Variants in BICRA observed in about 807,000 individuals in gnomAD.
BICRA encodes the protein BRD4-interacting chromatin-remodeling complex-associated protein.
In BICRA, 31 loss-of-function variants were observed where a neutral mutation model predicts 96.9. The ratio of observed to expected loss-of-function variants is 0.32; its 90% CI spans 0.24 to 0.43. BICRA has a LOEUF of 0.43. BICRA is among the 20% of genes least tolerant of loss of function. The pLI is 1.00. For synonymous variants in BICRA, 1,350 were observed against 1,071.8 expected (o/e 1.26, Z -5.07); for missense variants, 2,283 against 2,190.3 (o/e 1.04, Z -0.84).
rs372252598 is a variant in BICRA at position 47,682,015 on chromosome 19, C to T, written c.2146C>T (p.Leu716Phe). 1.8e-5 allele frequency: 28 copies of T among 1,571,406 alleles called. No individual in the cohort carries two copies. The highest frequency in any genetic ancestry group is 2.4e-5 in the Non-Finnish European group (28 of 1,162,678). ...QQPLSAEGPH[L>F]SVPASVIVSA... ...GCCCCTCTCCGCAGAGGGCCCCCAC[C>T]TCTCCGTGCCTGCCTCGGTCATAGT... The change falls in exon 7 of 15, where the codon CTC becomes TTC. Residue 716 changes from leucine (L) to phenylalanine (F), a missense_variant. Physicochemically the swap from Leu to Phe is conservative, Grantham distance 22. Coordinates refer to ENST00000594866, the MANE Select transcript of BICRA (RefSeq NM_001394372.1).
chr19:47,680,321 C>T lies in BICRA; in HGVS notation c.1151C>T (p.Pro384Leu). ...AGATLTIQGE[P>L]GALPQQPKAP... is the part of the protein sequence containing the mutation. The stretch of plus-strand genomic sequence containing the variant: ...GCCACGCTCACCATCCAGGGCGAGC[C>T]GGGGGCGCTCCCGCAGCAGCCCAAG... Residue 384 changes from proline to leucine, a missense_variant, in exon 6 of 15, where the codon CCG becomes CTG. By Grantham distance (98) the Pro-to-Leu change is moderately conservative. Coordinates refer to ENST00000594866, the MANE Select transcript of BICRA (RefSeq NM_001394372.1). 5.8e-6 allele frequency: 9 copies of T among 1,540,730 alleles called. No individual in the cohort carries two copies. The highest frequency in any genetic ancestry group is 7.8e-6 in the Non-Finnish European group (9 of 1,150,676).
At chr19:47,668,786 C>A (rs184108462) in intron 1 of BICRA, among the ~76,000 whole-genome samples, 1 of 152,042 alleles carries the variant, frequency 6.6e-6, no homozygotes, top group East Asian at 1.9e-4. Context: ...CCACGGCGCC[C>A]GGCTGTCTTT....
At chr19:47,610,184 C>A (rs934451906) in intron 1 of BICRA, among the ~76,000 whole-genome samples, 1 of 152,100 alleles carries the variant, frequency 6.6e-6, no homozygotes, top group Admixed American at 6.5e-5. Context: ...CCGCGGGCAC[C>A]CGGAGGGAGG....
chr19:47,690,648 G>A (rs1193248547), intron 7 of BICRA, among the ~76,000 whole-genome samples: 1 of 152,070 alleles, frequency 6.6e-6, no homozygotes. Context: ...TGCACTGTCT[G>A]ATCATATCCT....
chr19:47,650,853 C>T (rs774555322), intron 1 of BICRA, among the ~76,000 whole-genome samples: 6 of 152,286 alleles, frequency 3.9e-5, no homozygotes, highest in Non-Finnish European at 5.9e-5. Context: ...CTTGTGTGCA[C>T]CACACATCCT....
intron 1 of BICRA, among the ~76,000 whole-genome samples, chr19:47,665,161 C>T (rs918092935): frequency 1.3e-5 from 2 of 150,338 alleles, no homozygotes; most frequent in African/African-American, 4.9e-5. Context: ...GGGATGGGGT[C>T]TGCCTCTGCC....
chr19:47,629,733 C>A (rs1259086921), intron 1 of BICRA, among the ~76,000 whole-genome samples: 2 of 152,136 alleles, frequency 1.3e-5, no homozygotes, highest in Admixed American at 1.3e-4. Flanking sequence ...TCTCGACTCA[C>A]TGCAACCCCT....
intron 1 of BICRA, among the ~76,000 whole-genome samples, chr19:47,609,593 G>C (rs1395432401): frequency 6.6e-6 from 1 of 151,604 alleles, no homozygotes; most frequent in Non-Finnish European, 1.5e-5. Context: ...CGTTCCACGG[G>C]GGGAGGGGCG....
At chr19:47,651,795 A>G (rs558994171) in intron 1 of BICRA, among the ~76,000 whole-genome samples, 1 of 152,318 alleles carries the variant, frequency 6.6e-6, no homozygotes, top group South Asian at 2.1e-4. Flanking sequence ...TGCTGGTTCC[A>G]AGACCTAGAG....
At position 47,681,974 on chromosome 19, in the gene BICRA, A is replaced by G; in HGVS notation, c.2107-2A>G. 6.4e-7 allele frequency: 1 copy of G among 1,556,272 alleles called. No individual in the cohort carries two copies. Among genetic ancestry groups the G allele is most frequent in the Non-Finnish European group, 8.7e-7 (1 of 1,155,786 alleles). On this transcript the variant is annotated splice_acceptor_variant, in intron 6 of 14. Transcript: ENST00000594866. LOFTEE classifies it high-confidence loss of function. ...TGATCCTGTGCGGGCTGCCCGTTGCAGGAGAGGAGCCAGCAGCCCCTCTCC... is the reference window on the plus strand; with the variant it reads ...TGATCCTGTGCGGGCTGCCCGTTGCGGGAGAGGAGCCAGCAGCCCCTCTCC...
At chr19:47,608,664 G>C (rs1258784499), upstream of BICRA, among the ~76,000 whole-genome samples, 1 of 151,664 alleles carries the variant, frequency 6.6e-6, no homozygotes, top group African/African-American at 2.4e-5. Context: ...CTGAACCCCC[G>C]GGACTGGGGC....
chr19:47,616,593 C>T (rs780930774), intron 1 of BICRA, among the ~76,000 whole-genome samples: 2 of 150,960 alleles, frequency 1.3e-5, no homozygotes, highest in Non-Finnish European at 2.9e-5. Context: ...GAGCTGAGAT[C>T]GCACGATTGC....
rs1449146018 is a variant in BICRA at position 47,680,412 on chromosome 19, C to T, written c.1242C>T (p.Phe414=). The change falls in exon 6 of 15, where the codon TTC becomes TTT. Residue 414 remains phenylalanine, a synonymous_variant. Coordinates refer to ENST00000594866, the MANE Select transcript of BICRA (RefSeq NM_001394372.1). ...KAGQNVVLSG[F]PAPALQANVF... ...GCCAGAACGTGGTGCTGTCGGGCTT[C>T]CCCGCGCCTGCGCTGCAAGCGAACG... is the stretch of plus-strand genomic sequence containing the variant. 6 of 1,535,536 alleles carry T rather than the reference C, an allele frequency of 3.9e-6. No individual in the cohort carries two copies. In the African/African-American group the frequency reaches 5.5e-5, roughly 14 times the overall value.
chr19:47,681,914 G>GGTGGGGAGGTCGAGGGCCT, intron 6 of BICRA, 62 bp from the exon 7 acceptor site: 1 of 1,151,608 alleles, frequency 8.7e-7, no homozygotes, highest in Middle Eastern at 2.4e-4. Context: ...AGGGGTCTCG[G>GGTGGGGAGGTCGAGGGCCT]GTGGGGAGGT....
chr19:47,678,362 T>G (rs1972971865), intron 5 of BICRA, among the ~76,000 whole-genome samples: 1 of 152,176 alleles, frequency 6.6e-6, no homozygotes, highest in Non-Finnish European at 1.5e-5. Flanking sequence ...GTGATCCACC[T>G]GCCTCTGCCT....
intron 1 of BICRA, chr19:47,662,996 C>G (rs943033695): frequency 1.3e-5 from 2 of 152,148 alleles, no homozygotes; most frequent in African/African-American, 4.8e-5. Context: ...GCTCTTTTTG[C>G]GTCAGGTTGT....
chr19:47,632,401 C>A (rs1390047620), intron 1 of BICRA, among the ~76,000 whole-genome samples: 2 of 152,142 alleles, frequency 1.3e-5, no homozygotes, highest in East Asian at 3.9e-4. Flanking sequence ...TCTCAGTCCT[C>A]GAGTCCTACC....
intron 1 of BICRA, among the ~76,000 whole-genome samples, chr19:47,656,552 C>G (rs1972621703): frequency 6.6e-6 from 1 of 152,130 alleles, no homozygotes; most frequent in South Asian, 2.1e-4. Flanking sequence ...TTTTTAGATT[C>G]TGTAATATAT....
chr19:47,652,390 T>C (rs777615618), intron 1 of BICRA, among the ~76,000 whole-genome samples: 13 of 152,192 alleles, frequency 8.5e-5, no homozygotes, highest in Non-Finnish European at 1.8e-4. Flanking sequence ...GGTCTCACTA[T>C]GCTGCCCAGG....
Sources: gnomAD v4.1 joint callset for allele counts (sites outside exome capture counted in the v4.1 genomes callset) on GRCh38, gnomAD v4.1.1 for gene constraint, MANE v1.5 for transcripts, NCBI Gene and HGNC (gene_info 2026-07-23, HGNC 2026-07-21) for gene names.